Variants in MTMR7 observed in about 807,000 individuals in gnomAD.
MTMR7 encodes myotubularin related protein 7, also known as phosphatidylinositol-3-phosphate phosphatase MTMR7.
In MTMR7, 76 loss-of-function variants were observed where a neutral mutation model predicts 81.2. The ratio of observed to expected loss-of-function variants is 0.94; its 90% confidence interval spans 0.78 to 1.13. The LOEUF (loss-of-function observed/expected upper bound fraction) is 1.13. Ranked by LOEUF, MTMR7 falls within the 50% of genes most tolerant of loss-of-function variation. MTMR7 has a pLI of 0.00. For synonymous variants in MTMR7, 372 were observed against 289.8 expected (o/e 1.28, Z -2.88); for missense variants, 1,044 against 820.0 (o/e 1.27, Z -3.34).
chr8:17,311,112 T>C (rs1325297934), intron 9 of MTMR7, among the ~76,000 whole-genome samples: 2 of 152,232 alleles, frequency 1.3e-5, no homozygotes, highest in African/African-American at 2.4e-5. Flanking sequence ...CCAAGGACTT[T>C]TGGCATACAC....
At chr8:17,395,620 A>C (rs917256303) in intron 1 of MTMR7, among the ~76,000 whole-genome samples, 1 of 152,108 alleles carries the variant, frequency 6.6e-6, no homozygotes, top group African/African-American at 2.4e-5. Context: ...TAGTCATCCT[A>C]ATGGGTATAA....
At chr8:17,405,805 TAA>T (rs1445243664) in intron 1 of MTMR7, among the ~76,000 whole-genome samples, 2 of 148,822 alleles carry the variant, frequency 1.3e-5, no homozygotes, top group Non-Finnish European at 3.0e-5. Context: ...TTTGACATAT[TAA>T]AAAACAGGTT....
intron 1 of MTMR7, among the ~76,000 whole-genome samples, chr8:17,392,895 G>A (rs557361845): frequency 6.6e-6 from 1 of 152,288 alleles, no homozygotes; most frequent in Non-Finnish European, 1.5e-5. Flanking sequence ...ACATCCTTTT[G>A]CAATGAGGAT....
At chr8:17,398,951 C>T (rs879285333) in intron 1 of MTMR7, among the ~76,000 whole-genome samples, 3 of 152,014 alleles carry the variant, frequency 2.0e-5, no homozygotes, top group African/African-American at 4.8e-5. Context: ...TGGTAACTTC[C>T]GAGGGTTGAG....
intron 3 of MTMR7, among the ~76,000 whole-genome samples, chr8:17,370,553 C>G (rs1351377172): frequency 6.5e-5 from 2 of 30,856 alleles, no homozygotes; most frequent in Admixed American, 8.8e-4. Flanking sequence ...AAAAGTGCCT[C>G]AAAAAAAAAA....
intron 4 of MTMR7, among the ~76,000 whole-genome samples, chr8:17,359,846 A>G (rs551257458): frequency 6.6e-6 from 1 of 152,304 alleles, no homozygotes; most frequent in Non-Finnish European, 1.5e-5. Context: ...AAGCATTCAC[A>G]ATTGAGAATT....
intron 7 of MTMR7, among the ~76,000 whole-genome samples, chr8:17,322,205 G>A (rs562132232): frequency 7.2e-5 from 11 of 152,172 alleles, no homozygotes; most frequent in Non-Finnish European, 1.2e-4. Flanking sequence ...CAGAGAACTG[G>A]CAAAATGATG....
chr8:17,311,656 C>G lies in MTMR7; in HGVS notation c.976-20G>C, dbSNP rs1563322335. The G allele has an allele frequency of 5.6e-6, 9 of 1,613,680 alleles. No homozygotes were observed. Among genetic ancestry groups the G allele is most frequent in the Non-Finnish European group, 7.6e-6 (9 of 1,179,876 alleles). On this transcript the variant is annotated intron_variant, in intron 8 of 13. Coordinates refer to ENST00000180173, the MANE Select transcript of MTMR7 (RefSeq NM_004686.5). Reference sequence around the variant, plus strand: ...CACTGCCTAGAAAACACACGATCCGCAAAGAGTCACAAAGAATGGCTGTAA... The same window carrying G: ...CACTGCCTAGAAAACACACGATCCGGAAAGAGTCACAAAGAATGGCTGTAA...
chr8:17,373,431 AC>A (rs1820480258), intron 1 of MTMR7, among the ~76,000 whole-genome samples, 191 bp from the exon 2 acceptor site: 1 of 152,222 alleles, frequency 6.6e-6, no homozygotes, highest in African/African-American at 2.4e-5. Context: ...TAAAAGATGA[AC>A]ATTCACCAGT....
intron 1 of MTMR7, among the ~76,000 whole-genome samples, chr8:17,383,599 C>A (rs1056256627): frequency 3.3e-5 from 5 of 152,218 alleles, no homozygotes; most frequent in African/African-American, 1.2e-4. Flanking sequence ...AACATCCTGG[C>A]TCAACAGTCT....
chr8:17,309,214 T>C (rs554716865), intron 10 of MTMR7, 63 bp downstream of exon 10: 20 of 1,122,746 alleles, frequency 1.8e-5, no homozygotes, highest in African/African-American at 4.7e-5. Context: ...AAATATTCAA[T>C]TGAAATTTTC....
chr8:17,343,884 T>C (rs1819476378), intron 5 of MTMR7, among the ~76,000 whole-genome samples: 1 of 152,182 alleles, frequency 6.6e-6, no homozygotes, highest in Non-Finnish European at 1.5e-5. Flanking sequence ...CCTAGACAGA[T>C]TATCCAAAGA....
At chr8:17,376,290 T>G (rs573298351) in intron 1 of MTMR7, among the ~76,000 whole-genome samples, 1 of 152,354 alleles carries the variant, frequency 6.6e-6, no homozygotes, top group East Asian at 1.9e-4. Context: ...TGTTGCCCCA[T>G]GATATACCAT....
At chr8:17,352,083 GA>G (rs1467020791) in intron 4 of MTMR7, among the ~76,000 whole-genome samples, 1 of 152,134 alleles carries the variant, frequency 6.6e-6, no homozygotes, top group African/African-American at 2.4e-5. Context: ...TGCAGAAGTA[GA>G]AAAATTCATC....
chr8:17,357,933 T>A (rs1247488032), intron 4 of MTMR7, among the ~76,000 whole-genome samples: 1 of 152,144 alleles, frequency 6.6e-6, no homozygotes, highest in Non-Finnish European at 1.5e-5. Flanking sequence ...CTTTGTAGGA[T>A]GATTTAAGTA....
In MTMR7 at chr8:17,371,105, T is replaced by G; in HGVS notation, c.242A>C (p.Gln81Pro). 6.2e-7 allele frequency: 1 copy of G among 1,614,192 alleles called. No individual in the cohort carries two copies. Among genetic ancestry groups the G allele is most frequent in the Middle Eastern group, 1.6e-4 (1 of 6,062 alleles). The part of the protein sequence containing the change: ...LIRCKNFQII[Q>P]LIIPQERDCH... ...ATCTCTTTCCTGAGGTATGATGAGCTGTATTATCTGAAAGTTCTTGCAGCG... is the reference window on the plus strand; with the variant it reads ...ATCTCTTTCCTGAGGTATGATGAGCGGTATTATCTGAAAGTTCTTGCAGCG... Residue 81 changes from glutamine (Q) to proline (P), a missense_variant, in exon 3 of 14, where the codon CAG (glutamine) becomes CCG (proline). Transcript: ENST00000180173.
intron 11 of MTMR7, 27 bp from the exon 12 acceptor site, chr8:17,304,546 A>G (rs1399873435): frequency 1.2e-6 from 2 of 1,604,206 alleles, no homozygotes; most frequent in Admixed American, 1.7e-5. Context: ...AAGTCTATAA[A>G]TGACCTATTT....
intron 1 of MTMR7, among the ~76,000 whole-genome samples, chr8:17,397,492 A>G (rs1821297879): frequency 6.6e-6 from 1 of 152,130 alleles, no homozygotes; most frequent in South Asian, 2.1e-4. Context: ...CTGCCTGCAG[A>G]AAGGAGAGGG....
intron 1 of MTMR7, among the ~76,000 whole-genome samples, chr8:17,383,073 A>G (rs75293962): frequency 0.012 from 1,872 of 151,806 alleles, 45 homozygotes; most frequent in African/African-American, 0.043. Context: ...GATAAGACAC[A>G]TCCACCACCT....
Sources: allele counts gnomAD v4.1 joint callset (sites outside exome capture counted in the v4.1 genomes callset), GRCh38; gene constraint gnomAD v4.1.1; transcripts MANE v1.5; gene names NCBI Gene and HGNC (gene_info 2026-07-23, HGNC 2026-07-21).